The following SLC44A1 variants were observed in gnomAD, a reference collection of about 807,000 sequenced individuals.
SLC44A1 encodes choline transporter-like protein 1.
SLC44A1 carries 26 observed loss-of-function variants against 79.3 expected under a neutral mutation model. The ratio of observed to expected loss-of-function variants is 0.33; its 90% CI spans 0.24 to 0.46. The LOEUF (loss-of-function observed/expected upper bound fraction) is 0.46, where lower values mean the gene tolerates loss of function less well. Among genes scored for constraint, SLC44A1 ranks in the 20% least tolerant of loss-of-function variants. SLC44A1 has a pLI of 1.00. For synonymous variants in SLC44A1, 263 were observed against 286.2 expected, an observed-to-expected ratio of 0.92 and a Z score of 0.82; for missense variants, 688 against 798.1, an observed-to-expected ratio of 0.86 and a Z score of 1.66.
In SLC44A1 at chr9:105,299,225, CA is replaced by C. The variant is rs1471874647; in HGVS notation, c.45del (p.Lys15AsnfsTer36). 1 of 1,587,810 alleles carries C rather than the reference CA, an allele frequency of 6.3e-7. No homozygotes were observed. The highest frequency in any genetic ancestry group is 8.5e-7 in the Non-Finnish European group (1 of 1,171,060). ...SSASSAAQSSKREWKPLEDRS... is the reference protein window; with the variant it reads ...SSASSAAQSSXREWKPLEDRS... Reference sequence around the variant, plus strand: ...TATTTTGTATTTCCAATTAGAGCTCCAAACGAGAATGGAAGCCGCTGGAGGA... The same window carrying C: ...TATTTTGTATTTCCAATTAGAGCTCCAACGAGAATGGAAGCCGCTGGAGGA... On this transcript the variant is annotated frameshift_variant, in exon 2 of 16. Coordinates refer to ENST00000374720, the MANE Select transcript of SLC44A1 (RefSeq NM_080546.5). LOFTEE classifies it high-confidence loss of function.
intron 3 of SLC44A1, among the ~76,000 whole-genome samples, chr9:105,315,080 A>G (rs1831283948): frequency 6.6e-6 from 1 of 152,044 alleles, no homozygotes; most frequent in African/African-American, 2.4e-5. Context: ...TCTCCCTCCT[A>G]ACGTTTAAAG....
At chr9:105,362,762 A>G in intron 8 of SLC44A1, 59 bp from the exon 9 acceptor site, 1 of 1,337,262 alleles carries the variant, frequency 7.5e-7, no homozygotes, top group Non-Finnish European at 1.0e-6. Flanking sequence ...AATTTCTACT[A>G]TTTTCGGTTT....
chr9:105,311,790 A>G (rs1303727072), intron 3 of SLC44A1, among the ~76,000 whole-genome samples: 3 of 152,170 alleles, frequency 2.0e-5, no homozygotes, highest in East Asian at 1.9e-4. Context: ...ATTTCTGTCT[A>G]TAAGTGTTTT....
intron 15 of SLC44A1, among the ~76,000 whole-genome samples, chr9:105,433,403 A>G (rs963289892): frequency 6.6e-6 from 1 of 152,242 alleles, no homozygotes; most frequent in Non-Finnish European, 1.5e-5. Context: ...GATAGCCAAA[A>G]GGATAGAGCA....
At chr9:105,274,751 A>G (rs1830160670) in intron 1 of SLC44A1, among the ~76,000 whole-genome samples, 1 of 152,220 alleles carries the variant, frequency 6.6e-6, no homozygotes, top group African/African-American at 2.4e-5. Flanking sequence ...ATGTAGTGGT[A>G]TGTATTTTAC....
At chr9:105,348,650 T>C (rs1157114296) in intron 5 of SLC44A1, among the ~76,000 whole-genome samples, 199 bp downstream of exon 5, 1 of 152,136 alleles carries the variant, frequency 6.6e-6, no homozygotes, top group African/African-American at 2.4e-5. Context: ...CAACCAACTT[T>C]TCTTGTTCTG....
Position 105,354,350 on chromosome 9 carries a change from A to G in SLC44A1, c.501-1862A>G, listed in dbSNP as rs1588823921. Among the ~76,000 whole-genome samples the G allele has an allele frequency of 2.0e-5, 3 of 152,156 alleles. No homozygotes were observed. The South Asian group carries it at 6.2e-4, about 32-fold the overall frequency. ...CAGGCGTGAGCCACCGCGCCCGGCC[A>G]GTTAATCCTTTTTGATTCTCATAAT... On this transcript the variant is annotated intron_variant, in intron 5 of 15. Transcript: ENST00000374720.
At position 105,391,091 on chromosome 9, in the gene SLC44A1, AT is replaced by A. The variant is rs1828752949; in HGVS notation, c.*2036del. 1.0e-6 allele frequency: 1 copy of A among 985,700 alleles called. No individual in the cohort carries two copies. The highest frequency in any genetic ancestry group is 1.7e-5 in the African/African-American group (1 of 57,220). 61.1% of individuals were successfully genotyped at this position (985,700 alleles called of 1,614,324 possible). On this transcript the variant is annotated 3_prime_UTR_variant, in exon 16 of 16. Transcript: ENST00000374720. ...TTTAGAATTGGCAAAAGTCTAGAAGATGGGTATCAAAACAGAAGACATTCCA... is the reference window on the plus strand; with the variant it reads ...TTTAGAATTGGCAAAAGTCTAGAAGAGGGTATCAAAACAGAAGACATTCCA...
Position 105,391,562 on chromosome 9 carries a change from CTCTT to C in SLC44A1, c.*2509_*2512del, listed in dbSNP as rs1175637648. 3 of 985,292 alleles carry C rather than the reference CTCTT, an allele frequency of 3.0e-6. No individual in the cohort carries two copies. The highest frequency in any genetic ancestry group is 5.2e-4 in the Middle Eastern group (1 of 1,914). 61.0% of individuals were successfully genotyped at this position (985,292 alleles called of 1,614,324 possible). A position where few individuals can be genotyped will look rare whatever the true frequency, so the allele number is the denominator to read the frequency against. On this transcript the variant is annotated 3_prime_UTR_variant, in exon 16 of 16. Coordinates refer to ENST00000374720, the MANE Select transcript of SLC44A1 (RefSeq NM_080546.5). ...GAGATATTTAATATGTGGAATATCA[CTCTT>C]TCATGAGCTTTATTCCTTGATTAAT...
In SLC44A1 at chr9:105,391,522, A is replaced by G. The variant is rs974442965; in HGVS notation, c.*2466A>G. Reference sequence around the variant, plus strand: ...GTAGAAATATGCAGATATGCATTACACAGGCACACACAGAGAGATATTTAA... The same window carrying G: ...GTAGAAATATGCAGATATGCATTACGCAGGCACACACAGAGAGATATTTAA... On this transcript the variant is annotated 3_prime_UTR_variant, in exon 16 of 16. Coordinates refer to ENST00000374720, the MANE Select transcript of SLC44A1 (RefSeq NM_080546.5). 76 of 985,570 alleles carry G rather than the reference A, an allele frequency of 7.7e-5. No homozygotes were observed. In the African/African-American group the frequency reaches 1.3e-3, roughly 17 times the overall value. The allele number at this position is 985,570 out of a possible 1,614,324, so 61.1% of individuals were successfully genotyped here.
At chr9:105,324,149 C>T (rs1263436846) in intron 3 of SLC44A1, among the ~76,000 whole-genome samples, 4 of 151,744 alleles carry the variant, frequency 2.6e-5, no homozygotes, top group Non-Finnish European at 5.9e-5. Context: ...CTACAGGCGC[C>T]CGCCACCACG....
At position 105,396,694 on chromosome 9, in the gene SLC44A1, A is replaced by G. The variant is rs1828883672; in HGVS notation, c.*7638A>G. On this transcript the variant is annotated 3_prime_UTR_variant, in exon 16 of 16. Transcript: ENST00000374720. Reference sequence around the variant, plus strand: ...CATGAGAAGTATGTTTTGGTGCCACATATTTCTCAATCTGATGCCTTTTTG... The same window carrying G: ...CATGAGAAGTATGTTTTGGTGCCACGTATTTCTCAATCTGATGCCTTTTTG... 2.0e-6 allele frequency: 2 copies of G among 983,618 alleles called. No individual in the cohort carries two copies. Among genetic ancestry groups the G allele is most frequent in the South Asian group, 4.7e-5 (1 of 21,262 alleles). The allele number at this position is 983,618 out of a possible 1,614,324, so 60.9% of individuals were successfully genotyped here.
intron 1 of SLC44A1, among the ~76,000 whole-genome samples, chr9:105,248,076 C>A (rs897542997): frequency 2.6e-5 from 4 of 152,202 alleles, no homozygotes; most frequent in African/African-American, 9.6e-5. Flanking sequence ...TGTCTGCAAA[C>A]TCTAATGATA....
At position 105,396,664 on chromosome 9, in the gene SLC44A1, T is replaced by C. The variant is rs544142527; in HGVS notation, c.*7608T>C. The C allele has an allele frequency of 6.3e-4, 620 of 985,050 alleles. 1 individual carries two copies. The highest frequency in any genetic ancestry group is 9.2e-4 in the Admixed American group (15 of 16,256). The allele number at this position is 985,050 out of a possible 1,614,324, so 61.0% of individuals were successfully genotyped here. ...GTCTTGATTTCTCGCAGCTGTGTAATGTGGCATGAGAAGTATGTTTTGGTG... is the reference window on the plus strand; with the variant it reads ...GTCTTGATTTCTCGCAGCTGTGTAACGTGGCATGAGAAGTATGTTTTGGTG... On this transcript the variant is annotated 3_prime_UTR_variant, in exon 16 of 16. Coordinates refer to ENST00000374720, the MANE Select transcript of SLC44A1 (RefSeq NM_080546.5).
rs1432296501 is a variant in SLC44A1 at position 105,335,679 on chromosome 9, A to G, written c.386A>G (p.Gln129Arg). 2 of 1,613,470 alleles carry G rather than the reference A, an allele frequency of 1.2e-6. No homozygotes were observed. Among genetic ancestry groups the G allele is most frequent in the Non-Finnish European group, 1.7e-6 (2 of 1,179,600 alleles). ...GAACTGAAAACTCTGAGTGATGTTC[A>G]GAAGTTTGCAGAGATAAATGGTGAG... is the stretch of plus-strand genomic sequence containing the variant. ...RQELKTLSDV[Q>R]KFAEINGSAL... is the part of the protein sequence containing the mutation. Residue 129 changes from glutamine to arginine, a missense_variant, in exon 4 of 16, where the codon CAG becomes CGG. Transcript: ENST00000374720.
rs371000629 is a variant in SLC44A1, at chr9:105,361,158, T to G, written c.761-33T>G. 4 of 1,606,078 alleles carry G rather than the reference T, an allele frequency of 2.5e-6. No individual in the cohort carries two copies. In the African/African-American group the frequency reaches 5.4e-5, roughly 21 times the overall value. On this transcript the variant is annotated intron_variant, in intron 7 of 15. Transcript: ENST00000374720. ...ATGTTACACATTTTCTTATCCTAAT[T>G]ATTGCATTAACAGTTGGGTCTTTTG...
intron 3 of SLC44A1, among the ~76,000 whole-genome samples, chr9:105,314,599 A>G (rs983428394): frequency 2.0e-5 from 3 of 152,168 alleles, no homozygotes; most frequent in Non-Finnish European, 4.4e-5. Context: ...CTTCCAAGGA[A>G]GGCATTTAAA....
chr9:105,365,729 A>G (rs1827920420), intron 11 of SLC44A1, 90 bp downstream of exon 11: 7 of 1,292,762 alleles, frequency 5.4e-6, no homozygotes, highest in South Asian at 2.8e-5. Flanking sequence ...TGTTAAATAC[A>G]AAGTTGTGTT....
chr9:105,385,485 A>G lies in SLC44A1; in HGVS notation c.1933A>G (p.Arg645Gly). Residue 645 changes from arginine (R) to glycine (G), a missense_variant, in exon 15 of 16, where the codon AGA becomes GGA. Physicochemically the swap from Arg to Gly is moderately radical, Grantham distance 125. Coordinates refer to ENST00000374720, the MANE Select transcript of SLC44A1 (RefSeq NM_080546.5). Reference sequence around the variant, plus strand: ...TGGTAAGGGAGGCGTCGCTGATTCCAGAGAGCTAAAGCCGATGGTAGGTGG... The same window carrying G: ...TGGTAAGGGAGGCGTCGCTGATTCCGGAGAGCTAAAGCCGATGGTAGGTGG... ...EAGKGGVADS[R>G]ELKPMASGAS... The G allele has an allele frequency of 1.3e-6, 2 of 1,577,634 alleles. No individual in the cohort carries two copies. Among genetic ancestry groups the G allele is most frequent in the Non-Finnish European group, 1.7e-6 (2 of 1,160,916 alleles).
Sources: gnomAD v4.1 joint callset for allele counts (sites outside exome capture counted in the v4.1 genomes callset) on GRCh38, gnomAD v4.1.1 for gene constraint, MANE v1.5 for transcripts, NCBI Gene and HGNC (gene_info 2026-07-23, HGNC 2026-07-21) for gene names.